Variants in SNAPC4 observed in about 807,000 individuals in gnomAD.
SNAPC4 encodes small nuclear RNA activating complex polypeptide 4.
Under a neutral mutation model 151.3 loss-of-function variants are expected in SNAPC4, and 127 were observed. The ratio of observed to expected loss-of-function variants is 0.84; its 90% CI spans 0.73 to 0.97. The LOEUF is 0.97. Ranked by LOEUF, SNAPC4 falls within the 50% of genes least tolerant of loss-of-function variation. SNAPC4 has a pLI of 0.00. For missense variants in SNAPC4, 2,186 were observed against 1,935.0 expected (o/e 1.13, Z -2.43); for synonymous variants, 1,002 against 824.4 (o/e 1.22, Z -3.69).
chr9:136,381,469 G>A, intron 18 of SNAPC4, 77 bp from the exon 19 acceptor site: 1 of 1,320,248 alleles, frequency 7.6e-7, no homozygotes, highest in African/African-American at 1.5e-5. Context: ...AGCAGCCCCA[G>A]CTCCCACGTG....
At position 136,383,445 on chromosome 9, in the gene SNAPC4, G is replaced by A; in HGVS notation, c.1724C>T (p.Ala575Val). 1.9e-6 allele frequency: 3 copies of A among 1,562,428 alleles called. No individual in the cohort carries two copies. The highest frequency in any genetic ancestry group is 2.6e-6 in the Non-Finnish European group (3 of 1,153,552). Residue 575 changes from alanine to valine, a missense_variant, in exon 16 of 24, where the codon GCC becomes GTC. Coordinates refer to ENST00000684778, the MANE Select transcript of SNAPC4 (RefSeq NM_003086.4). The surrounding 1 kb of genome is among the most constrained non-coding windows in gnomAD (Gnocchi z 4.2). ...MVPDMDLWVP[A>V]RQSTSQPWRG... ...CCATGGCTGGCTGGTGCTCTGCCTG[G>A]CAGGAACCCACAGGTCCATGTCCGG...
chr9:136,384,604 G>C (rs1833824784), intron 14 of SNAPC4, 116 bp downstream of exon 14: 1 of 559,216 alleles, frequency 1.8e-6, no homozygotes, highest in South Asian at 2.5e-5. Flanking sequence ...GGCTATGGTC[G>C]CACCACCGCA....
At chr9:136,391,326 T>C (rs759782416) in intron 10 of SNAPC4, among the ~76,000 whole-genome samples, 6 of 152,222 alleles carry the variant, frequency 3.9e-5, no homozygotes, top group Admixed American at 3.9e-4. Context: ...CCCTAGTTCA[T>C]GTTCCAATCA....
Position 136,379,877 on chromosome 9 carries a change from G to C in SNAPC4, c.2500-13C>G. 6.2e-7 allele frequency: 1 copy of C among 1,612,096 alleles called. No homozygotes were observed. Among genetic ancestry groups the C allele is most frequent in the African/African-American group, 1.3e-5 (1 of 74,988 alleles). On this transcript the variant is annotated splice_polypyrimidine_tract_variant and intron_variant, in intron 20 of 23. Coordinates refer to ENST00000684778, the MANE Select transcript of SNAPC4 (RefSeq NM_003086.4). Reference sequence around the variant, plus strand: ...CACTTGAGGATGCCTGGAAATGAAAGAGAGGAGAGTCAGCAGCTCAGGTGT... The same window carrying C: ...CACTTGAGGATGCCTGGAAATGAAACAGAGGAGAGTCAGCAGCTCAGGTGT...
In SNAPC4 at chr9:136,378,749, A is replaced by C. The variant is rs548018472; in HGVS notation, c.3078T>G (p.Ser1026=). ...GCTTCCGGGATGCAGCGGGGGCCTGAGACTGTCCGAGACCACTCTCGGGGC... is the reference window on the plus strand; with the variant it reads ...GCTTCCGGGATGCAGCGGGGGCCTGCGACTGTCCGAGACCACTCTCGGGGC... The part of the protein sequence containing the change: ...VSCPESGLGQ[S]QAPAASRKQG... The change falls in exon 22 of 24, where the codon TCT becomes TCG. Residue 1026 remains serine (S), a synonymous_variant. Transcript: ENST00000684778. The C allele has an allele frequency of 2.9e-5, 44 of 1,521,726 alleles. No individual in the cohort carries two copies. Among genetic ancestry groups the C allele is most frequent in the Non-Finnish European group, 3.8e-5 (43 of 1,134,548 alleles). The allele number at this position is 1,521,726 out of a possible 1,614,324, so 94.3% of individuals were successfully genotyped here.
At chr9:136,388,816 G>A (rs1330756112) in intron 10 of SNAPC4, among the ~76,000 whole-genome samples, 1 of 151,192 alleles carries the variant, frequency 6.6e-6, no homozygotes, top group Non-Finnish European at 1.5e-5. Context: ...GGTGAGAGAG[G>A]AATCAAACCT....
intron 3 of SNAPC4, among the ~76,000 whole-genome samples, chr9:136,396,356 G>A (rs1350783967): frequency 6.6e-6 from 1 of 152,230 alleles, no homozygotes; most frequent in African/African-American, 2.4e-5. Context: ...TAAACAAAAG[G>A]CAGCTAATAA....
chr9:136,390,552 T>C (rs10870114), intron 10 of SNAPC4, among the ~76,000 whole-genome samples: 118,587 of 118,706 alleles, frequency 1, 59,235 homozygotes, highest in Middle Eastern at 1. Flanking sequence ...GAGACTCTGT[T>C]TGAAAAAAAA....
chr9:136,377,251 C>A (rs1464193445), intron 22 of SNAPC4, among the ~76,000 whole-genome samples: 1 of 152,216 alleles, frequency 6.6e-6, no homozygotes, highest in Non-Finnish European at 1.5e-5. Flanking sequence ...CCCAGAGCTT[C>A]TCGCTCAGAC....
In SNAPC4 at chr9:136,384,706, T is replaced by C. The variant is rs1234809536; in HGVS notation, c.1420+14A>G. The C allele has an allele frequency of 2.4e-6, 3 of 1,269,400 alleles. No homozygotes were observed. Among genetic ancestry groups the C allele is most frequent in the South Asian group, 1.3e-5 (1 of 77,644 alleles). The allele number at this position is 1,269,400 out of a possible 1,614,324, so 78.6% of individuals were successfully genotyped here. On this transcript the variant is annotated intron_variant, in intron 14 of 23. Coordinates refer to ENST00000684778, the MANE Select transcript of SNAPC4 (RefSeq NM_003086.4). ...AAAAAAAGAAACTAGAAGAACAAACTGTCAGCAACTTACCGACACCATATT... is the reference window on the plus strand; with the variant it reads ...AAAAAAAGAAACTAGAAGAACAAACCGTCAGCAACTTACCGACACCATATT...
rs1833425185 is a variant in SNAPC4, at chr9:136,375,810, AG to A, written c.*8-11del. 6.6e-6 allele frequency: 1 copy of A among 152,462 alleles called. No homozygotes were observed. The highest frequency in any genetic ancestry group is 2.1e-4 in the South Asian group (1 of 4,842). 9.4% of individuals were successfully genotyped at this position (152,462 alleles called of 1,614,324 possible). On this transcript the variant is annotated splice_polypyrimidine_tract_variant and intron_variant, in intron 23 of 23. Coordinates refer to ENST00000684778, the MANE Select transcript of SNAPC4 (RefSeq NM_003086.4). ...TGAGAAAGTGCTTGTCCTGGAACAC[AG>A]GAACACCAGGTGGGGGGTGCCCTTG... is the stretch of plus-strand genomic sequence containing the variant.
In SNAPC4 at chr9:136,383,247, G is replaced by C; in HGVS notation, c.1922C>G (p.Ser641Cys). ...PARAHGPVPR[S>C]AQASHSADTR... The stretch of plus-strand genomic sequence containing the variant: ...GTCTGCTGAGTGGGAGGCCTGGGCA[G>C]ACCTCGGGACAGGGCCGTGGGCCCT... The change falls in exon 16 of 24, where the codon TCT becomes TGT. Residue 641 changes from serine (S) to cysteine (C), a missense_variant. Physicochemically the swap from Ser to Cys is moderately radical, Grantham distance 112. Coordinates refer to ENST00000684778, the MANE Select transcript of SNAPC4 (RefSeq NM_003086.4). The surrounding 1 kb of genome is among the most constrained non-coding windows in gnomAD (Gnocchi z 4.2). 1 of 1,597,720 alleles carries C rather than the reference G, an allele frequency of 6.3e-7. No homozygotes were observed. Among genetic ancestry groups the C allele is most frequent in the Non-Finnish European group, 8.5e-7 (1 of 1,172,894 alleles).
In SNAPC4 at chr9:136,379,185, A is replaced by C; in HGVS notation, c.2642T>G (p.Leu881Arg). 6.2e-7 allele frequency: 1 copy of C among 1,603,450 alleles called. No homozygotes were observed. The highest frequency in any genetic ancestry group is 1.1e-5 in the South Asian group (1 of 89,686). ...CTTGGGCCGGGGGCCGGTTGAAGCC[A>C]GCAGGGACGCCTGGGGTAGGGTGCG... Reference protein sequence around the residue: ...VERTLPQASLLASTGPRPKPK... With the variant: ...VERTLPQASLRASTGPRPKPK... The change falls in exon 22 of 24, where the codon CTG becomes CGG. Residue 881 changes from leucine (L) to arginine (R), a missense_variant. By Grantham distance (102) the Leu-to-Arg change is moderately radical. Coordinates refer to ENST00000684778, the MANE Select transcript of SNAPC4 (RefSeq NM_003086.4).
chr9:136,399,367 CT>C (rs1834377495), intron 1 of SNAPC4, among the ~76,000 whole-genome samples: 1 of 152,208 alleles, frequency 6.6e-6, no homozygotes. Flanking sequence ...GCCCGAAATG[CT>C]TGTGAACCTG....
At chr9:136,397,709 G>C (rs1470514334) in intron 2 of SNAPC4, among the ~76,000 whole-genome samples, 4 of 137,802 alleles carry the variant, frequency 2.9e-5, no homozygotes, top group South Asian at 5.3e-4. Flanking sequence ...ACGTGGGGTG[G>C]GGAGCACGTG....
chr9:136,398,646 G>A (rs1478395547), intron 1 of SNAPC4: 2 of 525,260 alleles, frequency 3.8e-6, no homozygotes, highest in South Asian at 2.3e-5. Flanking sequence ...TATGTGCTCT[G>A]CCAGGAGCCT....
Position 136,379,032 on chromosome 9 carries a change from G to C in SNAPC4, c.2795C>G (p.Pro932Arg). ...GCGGCCGTGTGGGGTGTGTGGTAGA[G>C]GGGGCTGGAGGATCACAGACGAGGA... ...LVSSSVILQPPLPHTPHGRPA... is the reference protein window; with the variant it reads ...LVSSSVILQPRLPHTPHGRPA... The change falls in exon 22 of 24, where the codon CCT becomes CGT. Residue 932 changes from proline (P) to arginine (R), a missense_variant. Coordinates refer to ENST00000684778, the MANE Select transcript of SNAPC4 (RefSeq NM_003086.4). The C allele has an allele frequency of 6.3e-7, 1 of 1,598,322 alleles. No individual in the cohort carries two copies. The highest frequency in any genetic ancestry group is 8.5e-7 in the Non-Finnish European group (1 of 1,173,088).
In SNAPC4 at chr9:136,378,709, C is replaced by A; in HGVS notation, c.3118G>T (p.Ala1040Ser). The A allele has an allele frequency of 6.7e-7, 1 of 1,499,028 alleles. No individual in the cohort carries two copies. The highest frequency in any genetic ancestry group is 8.9e-7 in the Non-Finnish European group (1 of 1,123,640). 92.9% of individuals were successfully genotyped at this position (1,499,028 alleles called of 1,614,324 possible). The change falls in exon 22 of 24, where the codon GCG becomes TCG. Residue 1040 changes from alanine (A) to serine (S), a missense_variant. Transcript: ENST00000684778. ...AASRKQGLPE[A>S]PPFLPAAPSP... is the part of the protein sequence containing the mutation. ...GGGGCTGCGGGGAGAAAGGGTGGCG[C>A]CTCAGGCAGGCCCTGCTTCCGGGAT... is the stretch of plus-strand genomic sequence containing the variant.
intron 10 of SNAPC4, among the ~76,000 whole-genome samples, chr9:136,391,085 C>G (rs866909259): frequency 1.3e-5 from 2 of 152,104 alleles, no homozygotes; most frequent in African/African-American, 4.8e-5. Context: ...CCGCCAGCCT[C>G]GGCCTCCCAA....
Sources: allele counts gnomAD v4.1 joint callset (sites outside exome capture counted in the v4.1 genomes callset), GRCh38; gene constraint gnomAD v4.1.1; non-coding constraint Gnocchi (gnomAD v3.1); transcripts MANE v1.5; gene names NCBI Gene and HGNC (gene_info 2026-07-23, HGNC 2026-07-21).